EPS15: variants seen among roughly 807,000 people sequenced by gnomAD.
EPS15 encodes the protein epidermal growth factor receptor pathway substrate 15.
A neutral mutation model predicts 113.8 loss-of-function variants in EPS15; 72 were observed. The observed-to-expected ratio is 0.63, with a 90% CI of 0.52 to 0.77. The LOEUF (loss-of-function observed/expected upper bound fraction) is 0.77. Ranked by LOEUF, EPS15 falls within the 30% of genes least tolerant of loss-of-function variation. The pLI, the probability that EPS15 is intolerant of heterozygous loss-of-function variation, is 0.00. For synonymous variants in EPS15, 344 were observed against 363.4 expected (o/e 0.95, Z 0.61); for missense variants, 1,048 against 1,045.8 (o/e 1.00, Z -0.03).
rs76263474 is a variant in EPS15, at chr1:51,472,429, A to G, written c.165+430T>C. On this transcript the variant is annotated intron_variant, in intron 3 of 24. Transcript: ENST00000371733. Reference sequence around the variant, plus strand: ...TTCTGAATATATATCAATATCACATATAAGGAGTAGACAGGGGAGGGGCTT... The same window carrying G: ...TTCTGAATATATATCAATATCACATGTAAGGAGTAGACAGGGGAGGGGCTT... 9.5e-3 allele frequency among the ~76,000 whole-genome samples: 1,440 copies of G among 152,308 alleles called. 23 individuals are homozygous for G. The highest frequency in any genetic ancestry group is 0.033 in the African/African-American group (1,377 of 41,556).
At chr1:51,372,693 G>A in intron 21 of EPS15, 1 of 407,756 alleles carries the variant, frequency 2.5e-6, no homozygotes, top group Non-Finnish European at 4.8e-6. Flanking sequence ...AGAAGTCCAT[G>A]ATGATGGTGC....
intron 8 of EPS15, among the ~76,000 whole-genome samples, chr1:51,452,806 C>T (rs938598505): frequency 6.6e-6 from 1 of 152,158 alleles, no homozygotes; most frequent in African/African-American, 2.4e-5. Context: ...TAAAACTAAA[C>T]CTTAACCCAT....
chr1:51,499,349 CA>C (rs1644376340), intron 1 of EPS15, among the ~76,000 whole-genome samples: 1 of 152,034 alleles, frequency 6.6e-6, no homozygotes, highest in African/African-American at 2.4e-5. Flanking sequence ...GCATGCACCA[CA>C]TTTTTTTTTA....
Position 51,461,137 on chromosome 1 carries a change from C to T in EPS15, c.515G>A (p.Ser172Asn). 1 of 1,601,000 alleles carries T rather than the reference C, an allele frequency of 6.2e-7. No homozygotes were observed. The highest frequency in any genetic ancestry group is 8.6e-7 in the Non-Finnish European group (1 of 1,168,154). Residue 172 changes from serine to asparagine, a missense_variant, in exon 8 of 25, where the codon AGT becomes AAT. Ser to Asn is a conservative substitution (Grantham distance 46). Coordinates refer to ENST00000371733, the MANE Select transcript of EPS15 (RefSeq NM_001981.3). ...AAGCATTCCATCATGGTCAATATCA[C>T]TCAACTCCCAAACCTTAAAAAGAGA... is the stretch of plus-strand genomic sequence containing the variant. ...VDILGRVWELSDIDHDGMLDR... is the reference protein window; with the variant it reads ...VDILGRVWELNDIDHDGMLDR...
chr1:51,437,060 A>C (rs534194639), intron 12 of EPS15, among the ~76,000 whole-genome samples: 1 of 152,352 alleles, frequency 6.6e-6, no homozygotes, highest in Non-Finnish European at 1.5e-5. Flanking sequence ...TCATTTAATT[A>C]ATAGCAAATG....
chr1:51,456,902 A>C (rs902034186), intron 8 of EPS15, among the ~76,000 whole-genome samples: 1 of 152,216 alleles, frequency 6.6e-6, no homozygotes, highest in African/African-American at 2.4e-5. Flanking sequence ...CAAAACTGGA[A>C]GAAAAATACC....
intron 21 of EPS15, among the ~76,000 whole-genome samples, chr1:51,382,605 G>A (rs1392333411): frequency 6.6e-6 from 1 of 151,938 alleles, no homozygotes; most frequent in Non-Finnish European, 1.5e-5. Flanking sequence ...TTTTAGTAGA[G>A]ATGGGGTTTC....
At chr1:51,389,511 A>C (rs1395700234) in intron 21 of EPS15, among the ~76,000 whole-genome samples, 3 of 152,248 alleles carry the variant, frequency 2.0e-5, no homozygotes, top group African/African-American at 7.2e-5. Context: ...TTCAATTAGG[A>C]AAAGAGGAAA....
At chr1:51,516,536 T>C (rs772708968) in intron 1 of EPS15, among the ~76,000 whole-genome samples, 2 of 152,186 alleles carry the variant, frequency 1.3e-5, no homozygotes, top group African/African-American at 2.4e-5. Context: ...TAGACTATAA[T>C]AATTTAGATA....
intron 21 of EPS15, among the ~76,000 whole-genome samples, chr1:51,371,463 T>TG (rs1646648880): frequency 6.6e-6 from 1 of 151,790 alleles, no homozygotes; most frequent in Non-Finnish European, 1.5e-5. Flanking sequence ...TAATTTTTTT[T>TG]CCTTTTTTCT....
At chr1:51,448,459 T>A (rs1029094728) in intron 8 of EPS15, among the ~76,000 whole-genome samples, 1 of 151,904 alleles carries the variant, frequency 6.6e-6, no homozygotes, top group Middle Eastern at 3.4e-3. Context: ...CCCTAATATA[T>A]AGAGCTCCTA....
chr1:51,415,750 C>T (rs1167510498), intron 13 of EPS15, among the ~76,000 whole-genome samples: 1 of 115,346 alleles, frequency 8.7e-6, no homozygotes, highest in African/African-American at 3.4e-5. Flanking sequence ...GAGTCGAGAT[C>T]GTGCCATTGC....
At position 51,444,977 on chromosome 1, in the gene EPS15, A is replaced by G; in HGVS notation, c.866T>C (p.Ile289Thr). 6.2e-7 allele frequency: 1 copy of G among 1,614,066 alleles called. No individual in the cohort carries two copies. Among genetic ancestry groups the G allele is most frequent in the East Asian group, 2.2e-5 (1 of 44,872 alleles). The change falls in exon 11 of 25, where the codon ATC (isoleucine) becomes ACC (threonine). Residue 289 changes from isoleucine (I) to threonine (T), a missense_variant. Coordinates refer to ENST00000371733, the MANE Select transcript of EPS15 (RefSeq NM_001981.3). ...KDQFALAFHL[I>T]SQKLIKGIDP... ...AATGCCCTTGATTAACTTCTGACTGATTAAGTGAAAAGCCAAGGCAAACTG... is the reference window on the plus strand; with the variant it reads ...AATGCCCTTGATTAACTTCTGACTGGTTAAGTGAAAAGCCAAGGCAAACTG...
intron 1 of EPS15, among the ~76,000 whole-genome samples, chr1:51,490,981 G>A (rs774892352): frequency 6.6e-6 from 1 of 152,078 alleles, no homozygotes; most frequent in Admixed American, 6.6e-5. Context: ...AGAGCCTCTC[G>A]GTACTACTTT....
chr1:51,426,453 C>T (rs1419299945), intron 12 of EPS15, among the ~76,000 whole-genome samples: 1 of 149,080 alleles, frequency 6.7e-6, no homozygotes, highest in Non-Finnish European at 1.5e-5. Context: ...CAAGCCCTGG[C>T]TCCTGTCACC....
At chr1:51,465,408 A>G (rs1267712681) in intron 5 of EPS15, 82 bp from the exon 6 acceptor site, 1 of 839,878 alleles carries the variant, frequency 1.2e-6, no homozygotes, top group Non-Finnish European at 1.9e-6. Context: ...TTGGATTTAA[A>G]TATGTTCACA....
chr1:51,366,131 G>C, intron 21 of EPS15, 102 bp from the exon 22 acceptor site: 2 of 712,858 alleles, frequency 2.8e-6, no homozygotes, highest in Non-Finnish European at 4.6e-6. Context: ...GCAGTGGTAC[G>C]ATCATGGCTC....
intron 21 of EPS15, among the ~76,000 whole-genome samples, chr1:51,391,863 A>T (rs1647401688): frequency 6.6e-6 from 1 of 152,206 alleles, no homozygotes; most frequent in Admixed American, 6.5e-5. Context: ...CAGGTTTAGG[A>T]AGGAAAAATA....
chr1:51,497,717 G>GC (rs1644348504), intron 1 of EPS15, among the ~76,000 whole-genome samples: 2 of 152,156 alleles, frequency 1.3e-5, no homozygotes, highest in African/African-American at 4.8e-5. Flanking sequence ...CGTGGCTCAT[G>GC]CCTGTAATTC....
Sources: allele counts gnomAD v4.1 joint callset (sites outside exome capture counted in the v4.1 genomes callset), GRCh38; gene constraint gnomAD v4.1.1; transcripts MANE v1.5; gene names NCBI Gene and HGNC (gene_info 2026-07-23, HGNC 2026-07-21).